Variants in ADGRE2 observed in about 807,000 individuals in gnomAD.
ADGRE2 encodes the protein adhesion G protein-coupled receptor E2.
A neutral mutation model predicts 100.8 loss-of-function variants in ADGRE2; 83 were observed. The observed-to-expected ratio is 0.82, with a 90% CI of 0.69 to 0.99. The LOEUF (loss-of-function observed/expected upper bound fraction) is 0.99, where lower values mean the gene tolerates loss of function less well. ADGRE2 is among the 50% of genes least tolerant of loss of function. ADGRE2 has a pLI of 0.00. For missense variants in ADGRE2, 814 were observed against 1,035.7 expected (o/e 0.79, Z 2.94); for synonymous variants, 355 against 413.0 (o/e 0.86, Z 1.70).
chr19:14,741,870 G>T lies in ADGRE2; in HGVS notation c.2463+1550C>A, dbSNP rs139491794. On this transcript the variant is annotated intron_variant, in intron 20 of 20. Coordinates refer to ENST00000315576, the MANE Select transcript of ADGRE2 (RefSeq NM_013447.4). ...GTTAGAATTACACATATAATCTGGA[G>T]AAGATGGAAGAAGAGGTGAGAAAAA... is the stretch of plus-strand genomic sequence containing the variant. 7 of 395,820 alleles carry T rather than the reference G, an allele frequency of 1.8e-5. No individual in the cohort carries two copies. In the East Asian group the frequency reaches 2.1e-4, roughly 12 times the overall value. The allele number at this position is 395,820 out of a possible 1,614,324, so 24.5% of individuals were successfully genotyped here.
rs538786004 is a variant in ADGRE2 at position 14,745,691 on chromosome 19, G to T, written c.2183+541C>A. ...GTGATCTCGGCTCACCGCAACCTCCGCCTCCTGGGTTCAAGCGGTTCTCCT... is the reference window on the plus strand; with the variant it reads ...GTGATCTCGGCTCACCGCAACCTCCTCCTCCTGGGTTCAAGCGGTTCTCCT... On this transcript the variant is annotated intron_variant, in intron 18 of 20. Transcript: ENST00000315576. Among the ~76,000 whole-genome samples the T allele has an allele frequency of 4.0e-5, 6 of 150,480 alleles. No homozygotes were observed. In the East Asian group the frequency reaches 1.2e-3, roughly 30 times the overall value.
chr19:14,776,873 G>A lies in ADGRE2; in HGVS notation c.-117C>T. ...TGTCCCGAGGCCAGGACTTTATAAAGGAGGGGGGGCGGACAGCCGCTGGCC... is the reference window on the plus strand; with the variant it reads ...TGTCCCGAGGCCAGGACTTTATAAAAGAGGGGGGGCGGACAGCCGCTGGCC... On this transcript the variant is annotated 5_prime_UTR_variant, in exon 2 of 21. Transcript: ENST00000315576. 1.9e-6 allele frequency: 3 copies of A among 1,539,522 alleles called. No individual in the cohort carries two copies. Among genetic ancestry groups the A allele is most frequent in the Admixed American group, 4.2e-5 (2 of 48,184 alleles).
At position 14,746,305 on chromosome 19, in the gene ADGRE2, G is replaced by A. The variant is rs2043085018; in HGVS notation, c.2110C>T (p.Leu704=). The change falls in exon 18 of 21, where the codon CTG becomes TTG. Residue 704 remains leucine (L), a synonymous_variant. Coordinates refer to ENST00000315576, the MANE Select transcript of ADGRE2 (RefSeq NM_013447.4). Reference sequence around the variant, plus strand: ...TTTTTCAAAATCCAGAGAGTCACCAGAAAGAGAACTAAATTCACCTTCAGA... The same window carrying A: ...TTTTTCAAAATCCAGAGAGTCACCAAAAAGAGAACTAAATTCACCTTCAGA... The part of the protein sequence containing the change: ...AIFSVNLVLF[L]VTLWILKNRL... The A allele has an allele frequency of 6.2e-7, 1 of 1,603,140 alleles. No homozygotes were observed. Among genetic ancestry groups the A allele is most frequent in the Non-Finnish European group, 8.5e-7 (1 of 1,171,220 alleles).
Position 14,743,606 on chromosome 19 carries a change from G to A in ADGRE2, c.2352+10C>T. ...AGGAAGAGTCCTGGGTGGGAGCTGG[G>A]CAGTGGTACCTGCTGGCTGAGGAGG... On this transcript the variant is annotated intron_variant, in intron 19 of 20. Coordinates refer to ENST00000315576, the MANE Select transcript of ADGRE2 (RefSeq NM_013447.4). 2 of 1,614,130 alleles carry A rather than the reference G, an allele frequency of 1.2e-6. No homozygotes were observed. Among genetic ancestry groups the A allele is most frequent in the Non-Finnish European group, 1.7e-6 (2 of 1,179,998 alleles).
At chr19:14,771,597 A>G (rs1006182449) in intron 5 of ADGRE2, among the ~76,000 whole-genome samples, 1 of 151,914 alleles carries the variant, frequency 6.6e-6, no homozygotes, top group Non-Finnish European at 1.5e-5. Flanking sequence ...GCTTGTCTGA[A>G]CAACTCCTAA....
intron 11 of ADGRE2, among the ~76,000 whole-genome samples, chr19:14,763,997 T>G (rs2043852555): frequency 6.9e-6 from 1 of 144,160 alleles, no homozygotes. Context: ...TTTTTCTTCC[T>G]CTTTATCCTC....
rs188781890 is a variant in ADGRE2 at position 14,757,792 on chromosome 19, G to A, written c.1085-1447C>T. Among the ~76,000 whole-genome samples, 3 of 152,200 alleles carry A rather than the reference G, an allele frequency of 2.0e-5. No homozygotes were observed. The East Asian group carries it at 5.8e-4, about 29-fold the overall frequency. ...GTAAATCTTCCTGGTCTTGGATGCGGTAATGAATTCTTTTTTTATTTTTAT... is the reference window on the plus strand; with the variant it reads ...GTAAATCTTCCTGGTCTTGGATGCGATAATGAATTCTTTTTTTATTTTTAT... On this transcript the variant is annotated intron_variant, in intron 11 of 20. Coordinates refer to ENST00000315576, the MANE Select transcript of ADGRE2 (RefSeq NM_013447.4).
intron 11 of ADGRE2, among the ~76,000 whole-genome samples, chr19:14,763,138 G>A (rs963192204): frequency 1.3e-5 from 2 of 152,026 alleles, no homozygotes; most frequent in Admixed American, 6.6e-5. Context: ...TCAGGAGATC[G>A]AGAGACCATC....
chr19:14,771,821 A>T (rs142703800), intron 5 of ADGRE2: 1 of 140,334 alleles, frequency 7.1e-6, no homozygotes, highest in South Asian at 2.2e-4. Context: ...TCGTACTTTT[A>T]GTAGAGACAG....
In ADGRE2 at chr19:14,755,660, G is replaced by A. The variant is rs374105741; in HGVS notation, c.1410C>T (p.Ser470=). 6.2e-7 allele frequency: 1 copy of A among 1,614,044 alleles called. No individual in the cohort carries two copies. The highest frequency in any genetic ancestry group is 1.3e-5 in the African/African-American group (1 of 75,046). Reference sequence around the variant, plus strand: ...CAACTCCACCAGCACTCACACGGTGGGAGAAGGTGAAGGTAACTGGGGAGC... The same window carrying A: ...CAACTCCACCAGCACTCACACGGTGAGAGAAGGTGAAGGTAACTGGGGAGC... ...NLSSPVTFTF[S]HRSVIPRQKV... Residue 470 remains serine (S), a synonymous_variant, in exon 13 of 21, where the codon TCC becomes TCT. Coordinates refer to ENST00000315576, the MANE Select transcript of ADGRE2 (RefSeq NM_013447.4).
At chr19:14,743,382 C>A in intron 20 of ADGRE2, 38 bp downstream of exon 20, 1 of 1,542,130 alleles carries the variant, frequency 6.5e-7, no homozygotes, top group South Asian at 1.1e-5. Context: ...TCAGGTGGGT[C>A]GGTTAGTGAA....
rs1325308272 is a variant in ADGRE2 at position 14,732,663 on chromosome 19, A to G, written c.*3573T>C. On this transcript the variant is annotated 3_prime_UTR_variant, in exon 21 of 21. Coordinates refer to ENST00000315576, the MANE Select transcript of ADGRE2 (RefSeq NM_013447.4). ...TGGGTGAAAACAAATAAAAAGAAGA[A>G]TGATATTTTGTGTCACATGACTGAT... 2 of 152,208 alleles carry G rather than the reference A, an allele frequency of 1.3e-5. No individual in the cohort carries two copies. Among genetic ancestry groups the G allele is most frequent in the Non-Finnish European group, 2.9e-5 (2 of 68,036 alleles). The allele number at this position is 152,208 out of a possible 1,614,324, so 9.4% of individuals were successfully genotyped here.
chr19:14,726,460 T>C, the ADGRE2 span, among the ~76,000 whole-genome samples: 1 of 152,198 alleles, frequency 6.6e-6, no homozygotes, highest in Non-Finnish European at 1.5e-5. Context: ...CCGAAAATGC[T>C]CTTTCCTTCT....
Position 14,742,902 on chromosome 19 carries a change from T to C in ADGRE2, c.2463+518A>G, listed in dbSNP as rs79877326. ...TGTGTGAGAGTCAAACTAAGCACAG[T>C]TCCCTAAGGAGTAAGAGCCAAGGAT... On this transcript the variant is annotated intron_variant, in intron 20 of 20. Transcript: ENST00000315576. Among the ~76,000 whole-genome samples the C allele has an allele frequency of 3.8e-3, 571 of 152,090 alleles. 4 individuals carry two copies. Among genetic ancestry groups the C allele is most frequent in the African/African-American group, 0.013 (544 of 41,450 alleles).
At chr19:14,752,266 A>T in intron 15 of ADGRE2, 63 bp downstream of exon 15, 1 of 1,590,750 alleles carries the variant, frequency 6.3e-7, no homozygotes. Context: ...ATGCCGCATC[A>T]TTCCATGAGC....
intron 1 of ADGRE2, 49 bp from the exon 2 acceptor site, chr19:14,776,976 GCACACACACACACACACACA>G (rs58154734): frequency 5.8e-6 from 6 of 1,026,114 alleles, no homozygotes; most frequent in African/African-American, 5.5e-5. Flanking sequence ...CAGGGGCGCT[GCACACACACACACACACACA>G]CACACACACA....
At chr19:14,748,916 A>G (rs2043175378) in intron 16 of ADGRE2, among the ~76,000 whole-genome samples, 1 of 152,120 alleles carries the variant, frequency 6.6e-6, no homozygotes, top group Non-Finnish European at 1.5e-5. Flanking sequence ...GTCCTGCAAC[A>G]TATTAAAAGG....
At chr19:14,759,505 T>TATATATATA (rs60321111) in intron 11 of ADGRE2, among the ~76,000 whole-genome samples, 1,237 of 61,314 alleles carry the variant, frequency 0.02, 17 homozygotes, top group African/African-American at 0.054. Context: ...ATATATATAT[T>TATATATATA]TTTTTTTTTT....
intron 20 of ADGRE2, 39 bp from the exon 21 acceptor site, chr19:14,736,283 CAG>C (rs758922847): frequency 5.8e-6 from 8 of 1,376,928 alleles, no homozygotes; most frequent in Non-Finnish European, 7.1e-6. Flanking sequence ...GTTGTTGAGA[CAG>C]AGTTTCACTC....
Sources: allele counts gnomAD v4.1 joint callset (sites outside exome capture counted in the v4.1 genomes callset), GRCh38; gene constraint gnomAD v4.1.1; transcripts MANE v1.5; gene names NCBI Gene and HGNC (gene_info 2026-07-23, HGNC 2026-07-21).